The following CPS1 variants were observed in gnomAD, a reference collection of about 807,000 sequenced individuals.
The protein encoded by CPS1 is carbamoyl-phosphate synthase 1.
CPS1 carries 109 observed loss-of-function variants against 174.6 expected under a neutral mutation model. The observed-to-expected ratio is 0.62, with a 90% CI of 0.53 to 0.73. The LOEUF (loss-of-function observed/expected upper bound fraction) is 0.73. CPS1 is among the 30% of genes least tolerant of loss of function. The pLI is 0.00. For synonymous variants in CPS1, 637 were observed against 632.0 expected (o/e 1.01, Z -0.12); for missense variants, 1,689 against 1,821.9 (o/e 0.93, Z 1.33).
chr2:210,547,775 T>A (rs145879581), intron 1 of CPS1, among the ~76,000 whole-genome samples: 11 of 152,186 alleles, frequency 7.2e-5, no homozygotes, highest in African/African-American at 2.6e-4. Flanking sequence ...TTAGTGAATC[T>A]GTTTACCTGG....
chr2:210,676,338 TACG>T, intron 36 of CPS1, among the ~76,000 whole-genome samples: 1 of 152,214 alleles, frequency 6.6e-6, no homozygotes, highest in Non-Finnish European at 1.5e-5. Context: ...TTAGATTTTG[TACG>T]ACATTTTATT....
intron 1 of CPS1, among the ~76,000 whole-genome samples, chr2:210,532,631 T>C (rs1299115344): frequency 6.6e-6 from 1 of 152,148 alleles, no homozygotes; most frequent in African/African-American, 2.4e-5. Flanking sequence ...GTGGTATATG[T>C]CCCAATGCTC....
intron 21 of CPS1, among the ~76,000 whole-genome samples, chr2:210,624,326 A>G (rs1321104476): frequency 6.6e-6 from 1 of 152,132 alleles, no homozygotes; most frequent in Non-Finnish European, 1.5e-5. Flanking sequence ...AATATATACT[A>G]TATGTGAAGT....
rs1386014914 is a variant in CPS1 at position 210,582,610 on chromosome 2, T to C, written c.529-7T>C. On this transcript the variant is annotated splice_polypyrimidine_tract_variant and splice_region_variant and intron_variant, in intron 5 of 37. Coordinates refer to ENST00000233072, the MANE Select transcript of CPS1 (RefSeq NM_001875.5). ...CTTTTAACTGTCTAATTTTTTTAAT[T>C]TGATAGGGTACCATGCTTGGGAAGA... The C allele has an allele frequency of 1.2e-6, 2 of 1,609,668 alleles. No homozygotes were observed. Among genetic ancestry groups the C allele is most frequent in the Non-Finnish European group, 1.7e-6 (2 of 1,176,258 alleles).
chr2:210,507,500 A>G (rs962777039), intron 1 of CPS1, among the ~76,000 whole-genome samples: 1 of 152,076 alleles, frequency 6.6e-6, no homozygotes, highest in Non-Finnish European at 1.5e-5. Context: ...TAACATCATA[A>G]TGACAGGATC....
intron 1 of CPS1, among the ~76,000 whole-genome samples, chr2:210,514,876 T>A (rs1695635610): frequency 6.6e-6 from 1 of 151,352 alleles, no homozygotes; most frequent in Non-Finnish European, 1.5e-5. Flanking sequence ...CTTCAGTGCC[T>A]AGTTTGTTGA....
intron 5 of CPS1, among the ~76,000 whole-genome samples, chr2:210,581,999 A>T (rs1444213991): frequency 6.6e-6 from 1 of 152,212 alleles, no homozygotes; most frequent in African/African-American, 2.4e-5. Flanking sequence ...AAAAGGTGAC[A>T]TTGTCGTGTT....
At chr2:210,564,541 A>G (rs961503129) in intron 1 of CPS1, among the ~76,000 whole-genome samples, 2 of 151,960 alleles carry the variant, frequency 1.3e-5, no homozygotes, top group Non-Finnish European at 1.5e-5. Flanking sequence ...ACGCCTGGCT[A>G]ATTTTTTTGT....
At position 210,616,437 on chromosome 2, in the gene CPS1, C is replaced by T. The variant is rs764967237; in HGVS notation, c.2583C>T (p.Asn861=). The part of the protein sequence containing the change: ...IYAIAKAIDD[N]MSLDEIEKLT... ...CCTCTTGGCAGGCCATTGATGACAA[C>T]ATGTCCCTTGATGAGATTGAGAAGC... is the stretch of plus-strand genomic sequence containing the variant. The change falls in exon 21 of 38, where the codon AAC becomes AAT. Residue 861 remains asparagine (N), a synonymous_variant. Coordinates refer to ENST00000233072, the MANE Select transcript of CPS1 (RefSeq NM_001875.5). The T allele has an allele frequency of 1.2e-6, 2 of 1,610,664 alleles. No homozygotes were observed. Among genetic ancestry groups the T allele is most frequent in the East Asian group, 4.5e-5 (2 of 44,822 alleles).
At chr2:210,622,400 A>G (rs1197337575) in intron 21 of CPS1, among the ~76,000 whole-genome samples, 9 of 151,872 alleles carry the variant, frequency 5.9e-5, no homozygotes, top group Admixed American at 5.9e-4. Flanking sequence ...ATACACACAC[A>G]GAAACAGGTT....
chr2:210,623,684 C>T (rs1213634508), intron 21 of CPS1, among the ~76,000 whole-genome samples: 1 of 152,110 alleles, frequency 6.6e-6, no homozygotes, highest in Admixed American at 6.6e-5. Flanking sequence ...AAATTGAGCT[C>T]AGTAAAGTTG....
chr2:210,600,760 T>C (rs1698696093), intron 15 of CPS1, 48 bp downstream of exon 15: 1 of 1,588,976 alleles, frequency 6.3e-7, no homozygotes. Flanking sequence ...TTGTCTTGTG[T>C]TGTAGGGAGA....
chr2:210,511,330 A>G (rs997509750), intron 1 of CPS1, among the ~76,000 whole-genome samples: 73 of 152,102 alleles, frequency 4.8e-4, no homozygotes, highest in Admixed American at 4.7e-3. Context: ...GAAATGAACA[A>G]TGAGAACACA....
At chr2:210,575,754 T>C in intron 2 of CPS1, among the ~76,000 whole-genome samples, 1 of 152,152 alleles carries the variant, frequency 6.6e-6, no homozygotes, top group South Asian at 2.1e-4. Flanking sequence ...TAAAATATTT[T>C]AAAAATCAAC....
At chr2:210,581,830 C>G (rs531600998) in intron 5 of CPS1, among the ~76,000 whole-genome samples, 37 of 152,212 alleles carry the variant, frequency 2.4e-4, no homozygotes, top group East Asian at 7.8e-4. Flanking sequence ...CTTCTATTTC[C>G]TTCCATGCAA....
chr2:210,519,480 GA>G (rs1451327241), intron 1 of CPS1: 1 of 152,104 alleles, frequency 6.6e-6, no homozygotes, highest in Non-Finnish European at 1.5e-5. Flanking sequence ...GATGCTTAAA[GA>G]AATGTTAGTA....
intron 16 of CPS1, 111 bp downstream of exon 16, chr2:210,602,441 A>G: frequency 7.4e-7 from 1 of 1,351,094 alleles, no homozygotes; most frequent in Non-Finnish European, 1.0e-6. Flanking sequence ...TTATTAAATC[A>G]TGATCATGTT....
At chr2:210,628,083 C>T (rs1167621562) in intron 21 of CPS1, among the ~76,000 whole-genome samples, 1 of 152,110 alleles carries the variant, frequency 6.6e-6, no homozygotes. Context: ...CACCATTTGC[C>T]TATATAACTA....
chr2:210,597,279 A>AT (rs1429899244), intron 13 of CPS1, among the ~76,000 whole-genome samples: 1 of 151,878 alleles, frequency 6.6e-6, no homozygotes, highest in Non-Finnish European at 1.5e-5. Flanking sequence ...TTTGTTAATA[A>AT]TATTACTCTT....
Sources: allele counts gnomAD v4.1 joint callset (sites outside exome capture counted in the v4.1 genomes callset), GRCh38; gene constraint gnomAD v4.1.1; transcripts MANE v1.5; gene names NCBI Gene and HGNC (gene_info 2026-07-23, HGNC 2026-07-21).